Variants in ABCA13 observed in about 807,000 individuals in gnomAD.
The protein encoded by ABCA13 is ATP binding cassette subfamily A member 13, also known as ATP-binding cassette sub-family A member 13.
Under a neutral mutation model 478.7 loss-of-function variants are expected in ABCA13, and 476 were observed. That is an observed-to-expected ratio of 0.99 (90% CI 0.92 to 1.07). The LOEUF (loss-of-function observed/expected upper bound fraction) is 1.07. Among genes scored for constraint, ABCA13 ranks in the 50% least tolerant of loss-of-function variants. ABCA13 has a pLI of 0.00. For synonymous variants in ABCA13, 2,252 were observed against 2,158.9 expected (o/e 1.04, Z -1.20); for missense variants, 6,060 against 5,910.6 (o/e 1.03, Z -0.83).
chr7:48,570,559 G>A (rs1000200604), intron 55 of ABCA13, among the ~76,000 whole-genome samples: 4 of 151,504 alleles, frequency 2.6e-5, no homozygotes, highest in Admixed American at 2.0e-4. Flanking sequence ...TCCTCACCTC[G>A]TGATCCACCC....
intron 2 of ABCA13, among the ~76,000 whole-genome samples, chr7:48,196,641 G>C (rs1352438316): frequency 6.6e-6 from 1 of 152,158 alleles, no homozygotes; most frequent in East Asian, 1.9e-4. Flanking sequence ...GGGGTGGCCT[G>C]ATGTTACCAT....
At chr7:48,644,885 A>C (rs1795338328) in intron 61 of ABCA13, 131 bp downstream of exon 61, 2 of 1,027,122 alleles carry the variant, frequency 1.9e-6, no homozygotes, top group Non-Finnish European at 2.7e-6. Flanking sequence ...AATTTTATAA[A>C]ATTATGATAA....
At chr7:48,214,264 C>T (rs898902373) in intron 3 of ABCA13, among the ~76,000 whole-genome samples, 2 of 152,130 alleles carry the variant, frequency 1.3e-5, no homozygotes, top group African/African-American at 4.8e-5. Flanking sequence ...GTAAAACATG[C>T]TGTAAACAGA....
chr7:48,321,628 A>C (rs545509439), intron 27 of ABCA13, among the ~76,000 whole-genome samples: 2 of 152,308 alleles, frequency 1.3e-5, no homozygotes, highest in South Asian at 4.1e-4. Flanking sequence ...CCTGACATCC[A>C]TGTCCTGAGC....
chr7:48,568,260 A>G (rs925859578), intron 55 of ABCA13, among the ~76,000 whole-genome samples: 1 of 152,076 alleles, frequency 6.6e-6, no homozygotes, highest in Non-Finnish European at 1.5e-5. Flanking sequence ...TTCCATATAA[A>G]TAGGTTCATA....
chr7:48,400,282 A>G (rs1817423962), intron 38 of ABCA13, among the ~76,000 whole-genome samples: 1 of 152,208 alleles, frequency 6.6e-6, no homozygotes, highest in South Asian at 2.1e-4. Context: ...CTCTAGCCCT[A>G]GCAGGTGGCA....
At chr7:48,258,192 G>T (rs1359659251) in intron 15 of ABCA13, among the ~76,000 whole-genome samples, 2 of 152,138 alleles carry the variant, frequency 1.3e-5, no homozygotes, top group Non-Finnish European at 1.5e-5. Flanking sequence ...CCAAAGTGCT[G>T]GGATTACAGG....
chr7:48,555,238 T>C (rs1490559382), intron 55 of ABCA13, among the ~76,000 whole-genome samples: 1 of 151,962 alleles, frequency 6.6e-6, no homozygotes, highest in Non-Finnish European at 1.5e-5. Flanking sequence ...AGTTTGCTTG[T>C]ATGTTGTTGA....
chr7:48,243,385 A>G (rs2129017386), intron 10 of ABCA13, among the ~76,000 whole-genome samples: 2 of 152,338 alleles, frequency 1.3e-5, no homozygotes, highest in Middle Eastern at 6.8e-3. Flanking sequence ...CAGAACAATG[A>G]CTGACCTAAG....
At chr7:48,430,672 T>A (rs1314811583) in intron 42 of ABCA13, among the ~76,000 whole-genome samples, 17 of 122,810 alleles carry the variant, frequency 1.4e-4, no homozygotes, top group East Asian at 2.4e-4. Flanking sequence ...AGACTCCGTC[T>A]AAAAAAAAAA....
intron 55 of ABCA13, among the ~76,000 whole-genome samples, chr7:48,579,493 G>A (rs1364160332): frequency 6.6e-6 from 1 of 151,940 alleles, no homozygotes; most frequent in Non-Finnish European, 1.5e-5. Flanking sequence ...ACAGTGTAGA[G>A]CAATAGGAAC....
intron 59 of ABCA13, among the ~76,000 whole-genome samples, chr7:48,617,915 G>A (rs1382199276): frequency 2.0e-5 from 3 of 152,158 alleles, no homozygotes; most frequent in East Asian, 1.9e-4. Flanking sequence ...AAGAATGTCC[G>A]TGGCAAGTAG....
chr7:48,356,462 C>CG (rs980572649), intron 31 of ABCA13, among the ~76,000 whole-genome samples: 39 of 150,048 alleles, frequency 2.6e-4, no homozygotes, highest in Admixed American at 2.0e-3. Flanking sequence ...AGTGTATAAA[C>CG]GGGGGGGACA....
At position 48,471,447 on chromosome 7, in the gene ABCA13, A is replaced by C. The variant is rs913665592; in HGVS notation, c.12906-83A>C. 1.8e-5 allele frequency: 22 copies of C among 1,237,224 alleles called. No homozygotes were observed. In the African/African-American group the frequency reaches 2.7e-4, roughly 15 times the overall value. The allele number at this position is 1,237,224 out of a possible 1,614,324, so 76.6% of individuals were successfully genotyped here. A position where few individuals can be genotyped will look rare whatever the true frequency, so the allele number is the denominator to read the frequency against. ...ATGATTATCTTGTGAACTCTGTTCTAGTCTGATGAAACTCTCTTTTATGGA... is the reference window on the plus strand; with the variant it reads ...ATGATTATCTTGTGAACTCTGTTCTCGTCTGATGAAACTCTCTTTTATGGA... On this transcript the variant is annotated intron_variant, in intron 44 of 61. Transcript: ENST00000435803.
chr7:48,338,412 G>T lies in ABCA13; in HGVS notation c.10161G>T (p.Leu3387Phe), dbSNP rs752090579. ...TAAGAAACTTTGTAGAAAACCAGTT[G>T]CACATTGATGTAGACAAACTTACTG... ...KFVRNFVENQ[L>F]HIDVDKLTEK... is the part of the protein sequence containing the mutation. The change falls in exon 29 of 62, where the codon TTG becomes TTT. Residue 3387 changes from leucine to phenylalanine, a missense_variant. Transcript: ENST00000435803. 9.4e-6 allele frequency: 15 copies of T among 1,603,076 alleles called. 1 individual carries two copies. The Admixed American group carries it at 2.4e-4, about 25-fold the overall frequency.
rs143372029 is a variant in ABCA13 at position 48,584,504 on chromosome 7, T to G, written c.14506-2650T>G. Among the ~76,000 whole-genome samples the G allele has an allele frequency of 2.2e-3, 335 of 152,288 alleles. 6 individuals are homozygous for G. The South Asian group carries it at 0.023, about 10-fold the overall frequency. On this transcript the variant is annotated intron_variant, in intron 56 of 61. Coordinates refer to ENST00000435803, the MANE Select transcript of ABCA13 (RefSeq NM_152701.5). ...ATGTCCCAAAGCTGTGTACATTAGT[T>G]TCTTTGGTGTGTCTATATTGAGCCC...
intron 1 of ABCA13, among the ~76,000 whole-genome samples, chr7:48,172,662 G>A (rs1343171836): frequency 3.3e-5 from 5 of 151,330 alleles, no homozygotes; most frequent in Admixed American, 2.6e-4. Flanking sequence ...GCCGGGTGTG[G>A]TGGCGGACGT....
At chr7:48,391,805 A>T (rs1816098748) in intron 37 of ABCA13, 116 bp from the exon 38 acceptor site, 1 of 943,210 alleles carries the variant, frequency 1.1e-6, no homozygotes, top group Non-Finnish European at 1.6e-6. Flanking sequence ...AAACCAGGTC[A>T]GCAGAAGGTG....
chr7:48,277,870 T>C (rs1487589584), intron 17 of ABCA13, among the ~76,000 whole-genome samples: 1 of 152,180 alleles, frequency 6.6e-6, no homozygotes, highest in East Asian at 1.9e-4. Flanking sequence ...TAAAGAACTG[T>C]AACAGAATTT....
Sources: allele counts gnomAD v4.1 joint callset (sites outside exome capture counted in the v4.1 genomes callset), GRCh38; gene constraint gnomAD v4.1.1; transcripts MANE v1.5; gene names NCBI Gene and HGNC (gene_info 2026-07-23, HGNC 2026-07-21).